Variants in CBLN2 observed in about 807,000 individuals in gnomAD.
CBLN2 encodes cerebellin 2 precursor, also known as cerebellin-2.
A neutral mutation model predicts 15.0 loss-of-function variants in CBLN2; 7 were observed. That is an observed-to-expected ratio of 0.47 (90% CI 0.27 to 0.88). The LOEUF (loss-of-function observed/expected upper bound fraction) is 0.88. CBLN2 is among the 40% of genes least tolerant of loss of function. The probability of loss-of-function intolerance (pLI) is 0.14; values close to 1 mark genes in which losing one functional copy is unlikely to be tolerated. For synonymous variants in CBLN2, 149 were observed against 135.2 expected, an observed-to-expected ratio of 1.10 and a Z score of -0.71; for missense variants, 242 against 304.5, an observed-to-expected ratio of 0.79 and a Z score of 1.53.
At chr18:72,552,723 A>T (rs1041949707) in intron 1 of CBLN2, 3 of 152,218 alleles carry the variant, frequency 2.0e-5, no homozygotes, top group African/African-American at 7.2e-5. Context: ...CTTTTAAATT[A>T]CTGGAGAAAA....
At chr18:72,635,412 G>T (rs1216918369) in intron 1 of CBLN2, among the ~76,000 whole-genome samples, 1 of 152,122 alleles carries the variant, frequency 6.6e-6, no homozygotes, top group African/African-American at 2.4e-5. Flanking sequence ...GCACAAGAAT[G>T]AATGTTAGGG....
At position 72,538,646 on chromosome 18, in the gene CBLN2, T is replaced by C; in HGVS notation, c.477+7A>G. The C allele has an allele frequency of 6.2e-7, 1 of 1,613,378 alleles. No individual in the cohort carries two copies. Among genetic ancestry groups the C allele is most frequent in the Non-Finnish European group, 8.5e-7 (1 of 1,179,728 alleles). On this transcript the variant is annotated splice_region_variant and intron_variant, in intron 4 of 4. Coordinates refer to ENST00000269503, the MANE Select transcript of CBLN2 (RefSeq NM_182511.4). ...ACCTGAAAGGATCCAGTTTCAAATCTACCCACCTGGATGGTTTGTCTGTTA... is the reference window on the plus strand; with the variant it reads ...ACCTGAAAGGATCCAGTTTCAAATCCACCCACCTGGATGGTTTGTCTGTTA...
At chr18:72,576,082 G>T (rs1385129869) in intron 1 of CBLN2, among the ~76,000 whole-genome samples, 1 of 152,204 alleles carries the variant, frequency 6.6e-6, no homozygotes, top group Non-Finnish European at 1.5e-5. Context: ...GGAATGGAGA[G>T]AAATTTGTTA....
At chr18:72,598,000 T>C (rs529854240) in intron 1 of CBLN2, among the ~76,000 whole-genome samples, 3 of 152,252 alleles carry the variant, frequency 2.0e-5, no homozygotes, top group East Asian at 3.9e-4. Context: ...AGGCCGGGAA[T>C]TGCAGATCCC....
chr18:72,565,150 T>G (rs904958763), intron 1 of CBLN2, among the ~76,000 whole-genome samples: 2 of 152,132 alleles, frequency 1.3e-5, no homozygotes, highest in Non-Finnish European at 1.5e-5. Context: ...GTACTTTAAC[T>G]GAAAGAGAAA....
rs535340127 is a variant in CBLN2, at chr18:72,600,931, G to T, written c.15+37394C>A. On this transcript the variant is annotated intron_variant, in intron 1 of 2. Coordinates refer to the CBLN2 transcript ENST00000581073. ...CAAGTCAGGGGTCCCAGCAGAGTCT[G>T]CAGTCATCAGAAATTCAAGTCTGAA... is the stretch of plus-strand genomic sequence containing the variant. Among the ~76,000 whole-genome samples, 4 of 152,304 alleles carry T rather than the reference G, an allele frequency of 2.6e-5. No individual in the cohort carries two copies. The East Asian group carries it at 7.7e-4, about 29-fold the overall frequency.
upstream of CBLN2, among the ~76,000 whole-genome samples, chr18:72,546,345 G>A (rs188149106): frequency 5.6e-3 from 850 of 152,108 alleles, 6 homozygotes; most frequent in African/African-American, 0.018. Context: ...GCTGAGGCAG[G>A]AGAATGGTGT....
intron 1 of CBLN2, among the ~76,000 whole-genome samples, chr18:72,630,720 TACTA>T (rs2069770592): frequency 1.3e-5 from 2 of 152,302 alleles, no homozygotes; most frequent in South Asian, 4.1e-4. Flanking sequence ...CTTTCATAGG[TACTA>T]ACTCTTTCTT....
At position 72,612,119 on chromosome 18, in the gene CBLN2, T is replaced by C. The variant is rs182016238; in HGVS notation, c.15+26206A>G. 2.5e-3 allele frequency among the ~76,000 whole-genome samples: 381 copies of C among 152,316 alleles called. 2 individuals are homozygous for C. The highest frequency in any genetic ancestry group is 8.7e-3 in the African/African-American group (360 of 41,580). On this transcript the variant is annotated intron_variant, in intron 1 of 2. Transcript: ENST00000581073. Reference sequence around the variant, plus strand: ...TTATATGTGTCTGTTTTTGTACTAGTACCATGCTGTTTTGGTTACTGTAGC... The same window carrying C: ...TTATATGTGTCTGTTTTTGTACTAGCACCATGCTGTTTTGGTTACTGTAGC...
At chr18:72,584,509 G>T (rs1322827390) in intron 1 of CBLN2, among the ~76,000 whole-genome samples, 3 of 151,568 alleles carry the variant, frequency 2.0e-5, no homozygotes, top group Non-Finnish European at 4.4e-5. Flanking sequence ...TCACCGTGTT[G>T]GTCAGGATGG....
At chr18:72,606,653 T>C (rs1469289128) in intron 1 of CBLN2, among the ~76,000 whole-genome samples, 1 of 152,232 alleles carries the variant, frequency 6.6e-6, no homozygotes, top group East Asian at 1.9e-4. Context: ...TTATTGAGCA[T>C]AGAAGAGGCT....
At chr18:72,588,670 G>A (rs150578517) in intron 1 of CBLN2, among the ~76,000 whole-genome samples, 3 of 152,268 alleles carry the variant, frequency 2.0e-5, no homozygotes, top group African/African-American at 7.2e-5. Context: ...CTCTTGGATG[G>A]GAAAGGAAAG....
intron 1 of CBLN2, among the ~76,000 whole-genome samples, chr18:72,633,545 GC>G (rs1869387996): frequency 6.6e-6 from 1 of 152,134 alleles, no homozygotes; most frequent in African/African-American, 2.4e-5. Flanking sequence ...GCAAAGAAGG[GC>G]ATGCATAGGT....
chr18:72,575,448 AG>A (rs1214607355), intron 1 of CBLN2, among the ~76,000 whole-genome samples: 1 of 152,188 alleles, frequency 6.6e-6, no homozygotes, highest in Non-Finnish European at 1.5e-5. Context: ...AACAACTGTA[AG>A]GAACAGTGGC....
At chr18:72,618,344 C>A (rs1230184369) in intron 1 of CBLN2, 5 of 474,906 alleles carry the variant, frequency 1.1e-5, no homozygotes, top group East Asian at 8.5e-5. Flanking sequence ...CTGAAACAAC[C>A]AATGAGAGCC....
At chr18:72,608,698 G>A (rs1350104319) in intron 1 of CBLN2, among the ~76,000 whole-genome samples, 12 of 152,182 alleles carry the variant, frequency 7.9e-5, no homozygotes, top group Non-Finnish European at 1.3e-4. Flanking sequence ...TTGCTCCCAC[G>A]TGCCTAGGAG....
At chr18:72,619,469 A>T (rs1456267056) in intron 1 of CBLN2, among the ~76,000 whole-genome samples, 2 of 152,212 alleles carry the variant, frequency 1.3e-5, no homozygotes, top group African/African-American at 2.4e-5. Context: ...CATTCCAACA[A>T]AGGGTTTTAA....
rs1451481591 is a variant in CBLN2, at chr18:72,543,592, C to A, written c.-211-62G>T. 5.1e-6 allele frequency: 2 copies of A among 395,808 alleles called. No individual in the cohort carries two copies. Among genetic ancestry groups the A allele is most frequent in the East Asian group, 7.2e-5 (2 of 27,916 alleles). 24.5% of individuals were successfully genotyped at this position (395,808 alleles called of 1,614,324 possible). ...GAGGAGGACACGGAGCGCGACCCTG[C>A]TCCCAGCGCGTGGCCAATAACCGCG... On this transcript the variant is annotated intron_variant, in intron 1 of 4. Transcript: ENST00000269503. The surrounding 1 kb of genome is among the most constrained non-coding windows in gnomAD (Gnocchi z 6.8).
chr18:72,551,158 T>G (rs909168805), intron 1 of CBLN2, among the ~76,000 whole-genome samples: 1 of 152,126 alleles, frequency 6.6e-6, no homozygotes, highest in Non-Finnish European at 1.5e-5. Flanking sequence ...TTTATTCCGA[T>G]GCTTATTAAA....
Sources: gnomAD v4.1 joint callset for allele counts (sites outside exome capture counted in the v4.1 genomes callset) on GRCh38, gnomAD v4.1.1 for gene constraint, Gnocchi (gnomAD v3.1) non-coding constraint, MANE v1.5 for transcripts, NCBI Gene and HGNC (gene_info 2026-07-23, HGNC 2026-07-21) for gene names.